Variants in PTK2 observed in about 807,000 individuals in gnomAD.
PTK2 encodes the protein protein tyrosine kinase 2, also known as focal adhesion kinase 1.
Under a neutral mutation model 150.1 loss-of-function variants are expected in PTK2, and 45 were observed. That is an observed-to-expected ratio of 0.30 (90% CI 0.24 to 0.38). The LOEUF (loss-of-function observed/expected upper bound fraction) is 0.38. Among genes scored for constraint, PTK2 ranks in the 10% least tolerant of loss-of-function variants. The pLI is 1.00. For missense variants in PTK2, 919 were observed against 1,307.3 expected (o/e 0.70, Z 4.58); for synonymous variants, 432 against 449.2 (o/e 0.96, Z 0.48).
chr8:140,835,777 GA>G (rs542441803), intron 7 of PTK2, among the ~76,000 whole-genome samples: 2 of 151,928 alleles, frequency 1.3e-5, no homozygotes, highest in African/African-American at 2.4e-5. Context: ...GTGTTGATGA[GA>G]AAAAAAATTG....
intron 1 of PTK2, among the ~76,000 whole-genome samples, chr8:140,984,624 G>C (rs956675080): frequency 6.6e-6 from 1 of 152,108 alleles, no homozygotes; most frequent in Admixed American, 6.5e-5. Context: ...GTTAAAGGGA[G>C]CTTTCATCTC....
intron 1 of PTK2, among the ~76,000 whole-genome samples, chr8:140,960,212 T>C (rs1367457819): frequency 1.2e-5 from 1 of 81,044 alleles, no homozygotes; most frequent in Admixed American, 1.2e-4. Context: ...TTTTTTTTTT[T>C]TTTTGAGACG....
rs564641270 is a variant in PTK2 at position 140,756,111 on chromosome 8, G to C, written c.1333-3795C>G. On this transcript the variant is annotated intron_variant, in intron 16 of 31. Transcript: ENST00000522684. ...AGGCCGGGGCAGGTGGGTCCCTGGAGGTCAGGAGTTTAGACCAGCCTAGCA... is the reference window on the plus strand; with the variant it reads ...AGGCCGGGGCAGGTGGGTCCCTGGACGTCAGGAGTTTAGACCAGCCTAGCA... 1.9e-3 allele frequency among the ~76,000 whole-genome samples: 282 copies of C among 151,176 alleles called. 2 individuals are homozygous for C. The highest frequency in any genetic ancestry group is 3.4e-3 in the South Asian group (16 of 4,758).
chr8:140,810,558 C>A (rs979454367), intron 10 of PTK2, among the ~76,000 whole-genome samples: 2 of 152,202 alleles, frequency 1.3e-5, no homozygotes, highest in African/African-American at 4.8e-5. Context: ...CACCAGCCCA[C>A]CCGCTCCTTC....
chr8:140,835,302 T>G (rs2100118050), intron 7 of PTK2, among the ~76,000 whole-genome samples: 1 of 152,234 alleles, frequency 6.6e-6, no homozygotes, highest in Admixed American at 6.5e-5. Flanking sequence ...TGGCAATATT[T>G]CTGAGAAGAT....
intron 16 of PTK2, among the ~76,000 whole-genome samples, chr8:140,754,380 T>C (rs550198441): frequency 6.6e-6 from 1 of 152,366 alleles, no homozygotes; most frequent in South Asian, 2.1e-4. Context: ...TCTTCCTTAA[T>C]TAGACTGTGT....
At chr8:140,977,391 A>G (rs952337517) in intron 1 of PTK2, among the ~76,000 whole-genome samples, 1 of 152,164 alleles carries the variant, frequency 6.6e-6, no homozygotes, top group Non-Finnish European at 1.5e-5. Flanking sequence ...TGGGAGGCCA[A>G]AGTGGGCAGA....
At chr8:140,685,595 TTTC>T (rs1452521840) in intron 27 of PTK2, among the ~76,000 whole-genome samples, 1 of 152,190 alleles carries the variant, frequency 6.6e-6, no homozygotes, top group African/African-American at 2.4e-5. Context: ...AACAGACACT[TTTC>T]AAAAGATGAC....
intron 12 of PTK2, among the ~76,000 whole-genome samples, chr8:140,793,976 C>T (rs768058974): frequency 1.1e-4 from 17 of 152,270 alleles, no homozygotes; most frequent in African/African-American, 4.1e-4. Flanking sequence ...TGGCTCATGC[C>T]GGCCTGACCA....
chr8:140,901,521 C>T (rs1026835209), intron 2 of PTK2, among the ~76,000 whole-genome samples: 4 of 151,972 alleles, frequency 2.6e-5, no homozygotes, highest in African/African-American at 7.3e-5. Flanking sequence ...TGCACCTACC[C>T]ATCTGACAAC....
chr8:140,834,133 C>G (rs2100117226), intron 7 of PTK2, among the ~76,000 whole-genome samples: 1 of 152,226 alleles, frequency 6.6e-6, no homozygotes, highest in African/African-American at 2.4e-5. Flanking sequence ...CAGAAAGCTG[C>G]AATGGGTGGG....
intron 2 of PTK2, among the ~76,000 whole-genome samples, chr8:140,902,921 G>GTTGCTTT (rs2100159116): frequency 1.5e-5 from 1 of 66,784 alleles, no homozygotes; most frequent in Non-Finnish European, 2.5e-5. Flanking sequence ...TCTGATGAGA[G>GTTGCTTT]TTGTTTTTTT....
intron 17 of PTK2, chr8:140,747,269 T>C (rs989969860): frequency 5.7e-6 from 1 of 176,908 alleles, no homozygotes; most frequent in East Asian, 1.7e-4. Context: ...AGGGGAACTT[T>C]AAAACTCAAT....
chr8:140,723,604 A>G (rs1201116047), intron 22 of PTK2, among the ~76,000 whole-genome samples: 3 of 152,232 alleles, frequency 2.0e-5, no homozygotes, highest in African/African-American at 7.2e-5. Context: ...TTCCCAAACT[A>G]TAAATATTTT....
At chr8:140,919,671 A>C (rs1446279131) in intron 2 of PTK2, among the ~76,000 whole-genome samples, 1 of 152,164 alleles carries the variant, frequency 6.6e-6, no homozygotes, top group Non-Finnish European at 1.5e-5. Context: ...AGTCACACTC[A>C]CTTATACTAT....
chr8:140,969,250 G>A (rs1232806018), intron 1 of PTK2, among the ~76,000 whole-genome samples: 1 of 152,070 alleles, frequency 6.6e-6, no homozygotes, highest in Non-Finnish European at 1.5e-5. Context: ...CTCTGCACAG[G>A]AGGAACCAGG....
At chr8:140,758,161 G>C (rs2100067001) in intron 16 of PTK2, among the ~76,000 whole-genome samples, 1 of 152,110 alleles carries the variant, frequency 6.6e-6, no homozygotes, top group African/African-American at 2.4e-5. Context: ...GTGTGAACAA[G>C]ACTTATTGCA....
chr8:140,836,077 G>T (rs537053883), intron 7 of PTK2, among the ~76,000 whole-genome samples: 12 of 149,046 alleles, frequency 8.1e-5, no homozygotes, highest in South Asian at 2.1e-4. Flanking sequence ...TAATTATCTG[G>T]TTTTTTTTTT....
At chr8:140,827,312 C>T (rs531548757) in intron 8 of PTK2, among the ~76,000 whole-genome samples, 17 of 152,066 alleles carry the variant, frequency 1.1e-4, no homozygotes, top group African/African-American at 3.9e-4. Context: ...AGAGAGGGCT[C>T]GCTGTTTCTA....
Sources: allele counts gnomAD v4.1 joint callset (sites outside exome capture counted in the v4.1 genomes callset), GRCh38; gene constraint gnomAD v4.1.1; transcripts MANE v1.5; gene names NCBI Gene and HGNC (gene_info 2026-07-23, HGNC 2026-07-21).